DNAH14: variants seen among roughly 807,000 people sequenced by gnomAD.
DNAH14 encodes the protein dynein axonemal heavy chain 14.
A neutral mutation model predicts 520.9 loss-of-function variants in DNAH14; 478 were observed. The observed-to-expected ratio is 0.92, with a 90% CI of 0.85 to 0.99. The LOEUF (loss-of-function observed/expected upper bound fraction) is 0.99, where lower values mean the gene tolerates loss of function less well. DNAH14 is among the 50% of genes least tolerant of loss of function. The pLI is 0.00. For synonymous variants in DNAH14, 1,581 were observed against 1,757.2 expected (o/e 0.90, Z 2.51); for missense variants, 4,831 against 5,234.5 (o/e 0.92, Z 2.38).
chr1:225,141,293 C>A (rs1559084876), intron 28 of DNAH14, among the ~76,000 whole-genome samples: 1 of 151,942 alleles, frequency 6.6e-6, no homozygotes, highest in African/African-American at 2.4e-5. Flanking sequence ...ATTCACATAA[C>A]ATGTGAATGT....
chr1:225,320,297 T>A (rs887814960), intron 61 of DNAH14, among the ~76,000 whole-genome samples: 1 of 152,198 alleles, frequency 6.6e-6, no homozygotes, highest in African/African-American at 2.4e-5. Context: ...GTAAAATGCT[T>A]GTAACAGAGG....
intron 81 of DNAH14, among the ~76,000 whole-genome samples, chr1:225,387,548 A>C (rs1317831258): frequency 6.6e-6 from 1 of 152,158 alleles, no homozygotes; most frequent in Non-Finnish European, 1.5e-5. Context: ...AGGCAACACC[A>C]GCCTCAAGGG....
At chr1:225,382,762 A>G (rs1292381961) in intron 81 of DNAH14, among the ~76,000 whole-genome samples, 1 of 152,146 alleles carries the variant, frequency 6.6e-6, no homozygotes, top group Non-Finnish European at 1.5e-5. Context: ...TGTTCATGGC[A>G]GCATTATTTG....
Position 224,963,170 on chromosome 1 carries a change from A to G in DNAH14, c.368-1309A>G, listed in dbSNP as rs1380496862. 2.6e-5 allele frequency among the ~76,000 whole-genome samples: 4 copies of G among 152,072 alleles called. No individual in the cohort carries two copies. In the East Asian group the frequency reaches 7.7e-4, roughly 29 times the overall value. On this transcript the variant is annotated intron_variant, in intron 4 of 85. Transcript: ENST00000682510. ...ATTAAGAATTCTTGAAATATTTGGT[A>G]TAGTAATATCTAGCCTGTTATGTAG...
chr1:225,364,936 C>G (rs2095534985), intron 76 of DNAH14, 42 bp downstream of exon 76: 7 of 1,384,968 alleles, frequency 5.1e-6, no homozygotes, highest in Non-Finnish European at 6.9e-6. Context: ...ACTGAGGAGC[C>G]CTGTTTGAAT....
intron 71 of DNAH14, among the ~76,000 whole-genome samples, chr1:225,346,880 T>G (rs540433466): frequency 5.3e-5 from 8 of 152,144 alleles, no homozygotes; most frequent in Non-Finnish European, 1.0e-4. Flanking sequence ...TATCTAATGG[T>G]AGTCAACAGG....
At chr1:225,137,101 T>C (rs1303112971) in intron 27 of DNAH14, among the ~76,000 whole-genome samples, 1 of 152,236 alleles carries the variant, frequency 6.6e-6, no homozygotes, top group African/African-American at 2.4e-5. Context: ...CACATGCTCA[T>C]TTAACTCAGT....
intron 21 of DNAH14, among the ~76,000 whole-genome samples, chr1:225,096,471 C>T (rs2074986022): frequency 6.6e-6 from 1 of 151,966 alleles, no homozygotes; most frequent in African/African-American, 2.4e-5. Flanking sequence ...CCACTGGTTT[C>T]CAAATAAGCC....
At chr1:225,068,543 A>C (rs2071180990) in intron 17 of DNAH14, among the ~76,000 whole-genome samples, 1 of 152,150 alleles carries the variant, frequency 6.6e-6, no homozygotes, top group South Asian at 2.1e-4. Flanking sequence ...TGGGCAGTAT[A>C]GCCATTTTCA....
At chr1:225,180,796 C>T (rs1476606842) in intron 36 of DNAH14, among the ~76,000 whole-genome samples, 2 of 152,164 alleles carry the variant, frequency 1.3e-5, no homozygotes, top group African/African-American at 2.4e-5. Flanking sequence ...GATGGATCTG[C>T]TATTAAGACC....
chr1:225,261,211 G>C (rs2092924006), intron 46 of DNAH14, among the ~76,000 whole-genome samples: 1 of 152,150 alleles, frequency 6.6e-6, no homozygotes, highest in Non-Finnish European at 1.5e-5. Context: ...ATCCTTGTCT[G>C]GTTCCTGATC....
intron 23 of DNAH14, among the ~76,000 whole-genome samples, chr1:225,101,991 A>T (rs2075515964): frequency 6.6e-6 from 1 of 150,600 alleles, no homozygotes; most frequent in Non-Finnish European, 1.5e-5. Context: ...TGCTGCACCC[A>T]TTAACTCGTC....
chr1:225,204,897 G>A (rs534719021), intron 39 of DNAH14, among the ~76,000 whole-genome samples: 2 of 152,192 alleles, frequency 1.3e-5, no homozygotes, highest in Admixed American at 6.5e-5. Flanking sequence ...GTTATTTTGG[G>A]GAGAGTACAG....
At chr1:225,238,287 G>A (rs2091736422) in intron 42 of DNAH14, among the ~76,000 whole-genome samples, 1 of 152,148 alleles carries the variant, frequency 6.6e-6, no homozygotes, top group Admixed American at 6.5e-5. Context: ...ACCTTCGAGT[G>A]GGGTTTTTGT....
At chr1:225,107,737 G>T (rs759254276) in intron 23 of DNAH14, among the ~76,000 whole-genome samples, 4 of 152,196 alleles carry the variant, frequency 2.6e-5, no homozygotes, top group Non-Finnish European at 5.9e-5. Flanking sequence ...CATAGTGGTT[G>T]TACTAATTTA....
At chr1:225,004,667 T>C (rs2147826596) in intron 9 of DNAH14, among the ~76,000 whole-genome samples, 1 of 152,232 alleles carries the variant, frequency 6.6e-6, no homozygotes, top group South Asian at 2.1e-4. Flanking sequence ...TGATACTGTA[T>C]GTGGAAAAGC....
intron 17 of DNAH14, among the ~76,000 whole-genome samples, chr1:225,052,439 T>A: frequency 6.6e-6 from 1 of 152,214 alleles, no homozygotes; most frequent in East Asian, 1.9e-4. Flanking sequence ...CACCCTCAGT[T>A]GTACCTCAGA....
chr1:225,185,365 A>G lies in DNAH14; in HGVS notation c.5610A>G (p.Ala1870=). The part of the protein sequence containing the change: ...KTTVRRILEK[A]LTLLPIADFL... ...CAGTCAGAAGAATTTTGGAAAAAGC[A>G]TTAACGCTATTACCAATTGCAGACT... Residue 1870 remains alanine (A), a synonymous_variant, in exon 37 of 86, where the codon GCA becomes GCG. Coordinates refer to ENST00000682510, the MANE Select transcript of DNAH14 (RefSeq NM_001367479.1). 6.5e-7 allele frequency: 1 copy of G among 1,547,830 alleles called. No homozygotes were observed. The highest frequency in any genetic ancestry group is 1.2e-5 in the South Asian group (1 of 83,350).
chr1:225,349,171 C>T (rs2095329613), intron 71 of DNAH14, among the ~76,000 whole-genome samples: 1 of 152,116 alleles, frequency 6.6e-6, no homozygotes, highest in Non-Finnish European at 1.5e-5. Flanking sequence ...CGAGGTCTCA[C>T]TATGTTGCCC....
Sources: allele counts gnomAD v4.1 joint callset (sites outside exome capture counted in the v4.1 genomes callset), GRCh38; gene constraint gnomAD v4.1.1; transcripts MANE v1.5; gene names NCBI Gene and HGNC (gene_info 2026-07-23, HGNC 2026-07-21).